The following BPNT1 variants were observed in gnomAD, a reference collection of about 807,000 sequenced individuals.
BPNT1 encodes the protein 3'(2'),5'-bisphosphate nucleotidase 1.
Under a neutral mutation model 36.9 loss-of-function variants are expected in BPNT1, and 28 were observed. The observed-to-expected ratio is 0.76, with a 90% CI of 0.56 to 1.04. The LOEUF is 1.04. BPNT1 is among the 50% of genes least tolerant of loss of function. The pLI is 0.00. For synonymous variants in BPNT1, 119 were observed against 130.9 expected, an observed-to-expected ratio of 0.91 and a Z score of 0.62; for missense variants, 313 against 372.9, an observed-to-expected ratio of 0.84 and a Z score of 1.32.
chr1:220,075,874 C>T (rs1571777486), intron 2 of BPNT1, among the ~76,000 whole-genome samples: 2 of 152,204 alleles, frequency 1.3e-5, no homozygotes, highest in East Asian at 3.9e-4. Flanking sequence ...ATCTCTGTTC[C>T]TTTTTAGCTA....
At chr1:220,062,442 T>C (rs1663132193) in intron 7 of BPNT1, among the ~76,000 whole-genome samples, 1 of 152,074 alleles carries the variant, frequency 6.6e-6, no homozygotes, top group Non-Finnish European at 1.5e-5. Context: ...TGATTTCCAA[T>C]TTCATCCACG....
At position 220,059,778 on chromosome 1, in the gene BPNT1, A is replaced by G. The variant is rs1303538988; in HGVS notation, c.686T>C (p.Ile229Thr). Residue 229 changes from isoleucine to threonine, a missense_variant, in exon 8 of 9, where the codon ATT (isoleucine) becomes ACT (threonine). Ile to Thr is a moderately conservative substitution (Grantham distance 89). Coordinates refer to ENST00000322067, the MANE Select transcript of BPNT1 (RefSeq NM_006085.6). ...GGAGNKIIQL[I>T]EGKASAYVFA... ...TACATAAGCAGAGGCTTTGCCTTCAATCAGCTGAATAATCTGTAAGGGTAA... is the reference window on the plus strand; with the variant it reads ...TACATAAGCAGAGGCTTTGCCTTCAGTCAGCTGAATAATCTGTAAGGGTAA... 1.3e-6 allele frequency: 2 copies of G among 1,599,756 alleles called. No homozygotes were observed. The highest frequency in any genetic ancestry group is 1.7e-6 in the Non-Finnish European group (2 of 1,174,186).
chr1:220,082,899 T>C (rs1240463421), intron 1 of BPNT1, among the ~76,000 whole-genome samples: 1 of 152,112 alleles, frequency 6.6e-6, no homozygotes, highest in African/African-American at 2.4e-5. Context: ...TGAACCTAAC[T>C]GGAACAATAA....
In BPNT1 at chr1:220,067,327, A is replaced by G. The variant is rs1302761793; in HGVS notation, c.449T>C (p.Ile150Thr). ...AYEGKAIAGV[I>T]NQPYYNYEAG... is the part of the protein sequence containing the mutation. ...CTCATAGTTGTAATATGGCTGGTTAATAACTCCTGCTATGGCTTTTCCTTC... is the reference window on the plus strand; with the variant it reads ...CTCATAGTTGTAATATGGCTGGTTAGTAACTCCTGCTATGGCTTTTCCTTC... Residue 150 changes from isoleucine to threonine, a missense_variant, in exon 6 of 9, where the codon ATT becomes ACT. Coordinates refer to ENST00000322067, the MANE Select transcript of BPNT1 (RefSeq NM_006085.6). 5 of 1,608,986 alleles carry G rather than the reference A, an allele frequency of 3.1e-6. No individual in the cohort carries two copies. The African/African-American group carries it at 5.3e-5, about 17-fold the overall frequency.
chr1:220,060,160 T>C (rs894687207), intron 7 of BPNT1, among the ~76,000 whole-genome samples: 2 of 152,138 alleles, frequency 1.3e-5, no homozygotes. Flanking sequence ...ATTCAAGTTT[T>C]TTCAACATCT....
At chr1:220,070,610 C>T (rs968951373) in intron 4 of BPNT1, among the ~76,000 whole-genome samples, 1 of 151,706 alleles carries the variant, frequency 6.6e-6, no homozygotes, top group East Asian at 2.0e-4. Flanking sequence ...TACAGGCGCG[C>T]ACCACCATGC....
Position 220,058,363 on chromosome 1 carries a change from T to C in BPNT1, c.*481A>G. 1.0e-6 allele frequency: 1 copy of C among 978,284 alleles called. No homozygotes were observed. The highest frequency in any genetic ancestry group is 1.2e-6 in the Non-Finnish European group (1 of 822,370). 60.6% of individuals were successfully genotyped at this position (978,284 alleles called of 1,614,324 possible). A position where few individuals can be genotyped will look rare whatever the true frequency, so the allele number is the denominator to read the frequency against. On this transcript the variant is annotated 3_prime_UTR_variant, in exon 9 of 9. Transcript: ENST00000322067. ...CTGGTTGATTAATCAAGTTAAATTA[T>C]TTAATTCTATTTTCTATTCCTAAAT...
At chr1:220,075,703 T>G (rs906337438) in intron 2 of BPNT1, among the ~76,000 whole-genome samples, 6 of 152,246 alleles carry the variant, frequency 3.9e-5, no homozygotes, top group African/African-American at 1.4e-4. Flanking sequence ...TCCTATTCTA[T>G]CAACATAGTT....
chr1:220,073,185 AAAAAG>A (rs1213050963), intron 3 of BPNT1, among the ~76,000 whole-genome samples: 2 of 152,256 alleles, frequency 1.3e-5, no homozygotes, highest in African/African-American at 4.8e-5. Context: ...AAGAGAGTTT[AAAAAG>A]AAAAGAATTT....
At chr1:220,088,518 T>TG (rs1239704455) in intron 1 of BPNT1, among the ~76,000 whole-genome samples, 1 of 144,810 alleles carries the variant, frequency 6.9e-6, no homozygotes, top group Admixed American at 7.0e-5. Flanking sequence ...CTGAATGCAG[T>TG]GGCTCACACC....
intron 4 of BPNT1, among the ~76,000 whole-genome samples, chr1:220,070,401 A>G (rs1457868748): frequency 6.6e-6 from 1 of 152,072 alleles, no homozygotes; most frequent in Non-Finnish European, 1.5e-5. Context: ...GCTGGAGTGC[A>G]GTGGCGCGAT....
chr1:220,078,053 T>C (rs1271566431), intron 2 of BPNT1, among the ~76,000 whole-genome samples: 2 of 151,762 alleles, frequency 1.3e-5, no homozygotes, highest in African/African-American at 4.8e-5. Flanking sequence ...CGCTTGCCTG[T>C]AGTCCTAACT....
intron 6 of BPNT1, chr1:220,065,951 A>G: frequency 1.8e-6 from 1 of 558,952 alleles, no homozygotes; most frequent in East Asian, 3.0e-5. Context: ...GGTAATGAAG[A>G]GAAGCAGAAC....
intron 7 of BPNT1, among the ~76,000 whole-genome samples, chr1:220,061,517 G>A (rs1663029645): frequency 7.1e-6 from 1 of 140,694 alleles, no homozygotes; most frequent in African/African-American, 2.7e-5. Context: ...CTGGGCAACA[G>A]AGTAAGACTC....
chr1:220,061,780 A>G (rs533623720), intron 7 of BPNT1, among the ~76,000 whole-genome samples: 20 of 152,258 alleles, frequency 1.3e-4, no homozygotes, highest in African/African-American at 4.8e-4. Context: ...TCATAATGAT[A>G]TCTAGGGGAC....
chr1:220,075,046 T>C (rs1664417004), intron 2 of BPNT1, among the ~76,000 whole-genome samples: 1 of 152,180 alleles, frequency 6.6e-6, no homozygotes, highest in African/African-American at 2.4e-5. Flanking sequence ...AATTTGTTTG[T>C]TTGTTTGTTT....
Position 220,068,759 on chromosome 1 carries a change from G to A in BPNT1, c.382+625C>T, listed in dbSNP as rs145967030. ...TGGGAGGCAGAGGTTGCAGTGAGCC[G>A]AGATGGTGCCACTGCACTCTAGCCT... On this transcript the variant is annotated intron_variant, in intron 5 of 8. Coordinates refer to ENST00000322067, the MANE Select transcript of BPNT1 (RefSeq NM_006085.6). Among the ~76,000 whole-genome samples the A allele has an allele frequency of 2.5e-3, 383 of 152,266 alleles. 1 individual carries two copies. Among genetic ancestry groups the A allele is most frequent in the African/African-American group, 8.7e-3 (360 of 41,576 alleles).
At chr1:220,071,028 T>G (rs1406479209) in intron 4 of BPNT1, among the ~76,000 whole-genome samples, 1 of 151,238 alleles carries the variant, frequency 6.6e-6, no homozygotes, top group Non-Finnish European at 1.5e-5. Flanking sequence ...TCCCAGTTAC[T>G]CAGGAGGCTG....
intron 8 of BPNT1, 28 bp downstream of exon 8, chr1:220,059,658 T>C (rs1662841123): frequency 6.8e-7 from 1 of 1,480,424 alleles, no homozygotes; most frequent in Non-Finnish European, 9.3e-7. Context: ...AGAAAAACTA[T>C]GAATTTCCTC....
Sources: gnomAD v4.1 joint callset for allele counts (sites outside exome capture counted in the v4.1 genomes callset) on GRCh38, gnomAD v4.1.1 for gene constraint, MANE v1.5 for transcripts, NCBI Gene and HGNC (gene_info 2026-07-23, HGNC 2026-07-21) for gene names.